ADAMTS14: variants seen among roughly 807,000 people sequenced by gnomAD.
The protein encoded by ADAMTS14 is A disintegrin and metalloproteinase with thrombospondin motifs 14.
ADAMTS14 carries 100 observed loss-of-function variants against 128.6 expected under a neutral mutation model. The observed-to-expected ratio is 0.78, with a 90% CI of 0.66 to 0.92. The LOEUF (loss-of-function observed/expected upper bound fraction) is 0.92, where lower values mean the gene tolerates loss of function less well. ADAMTS14 is among the 40% of genes least tolerant of loss of function. The probability of loss-of-function intolerance (pLI) is 0.00; values close to 1 mark genes in which losing one functional copy is unlikely to be tolerated. For missense variants in ADAMTS14, 1,562 were observed against 1,658.6 expected (o/e 0.94, Z 1.01); for synonymous variants, 665 against 653.8 (o/e 1.02, Z -0.26).
chr10:70,718,685 C>CTT (rs1554818749), intron 4 of ADAMTS14, among the ~76,000 whole-genome samples: 3 of 140,742 alleles, frequency 2.1e-5, no homozygotes, highest in Non-Finnish European at 3.1e-5. Flanking sequence ...GGTGCCCAGC[C>CTT]TTTTTTTTTT....
chr10:70,698,894 G>A (rs1370772916), intron 2 of ADAMTS14, among the ~76,000 whole-genome samples: 1 of 152,162 alleles, frequency 6.6e-6, no homozygotes, highest in Non-Finnish European at 1.5e-5. Flanking sequence ...AACAGTGAGG[G>A]TGTGATGAGG....
intron 2 of ADAMTS14, among the ~76,000 whole-genome samples, chr10:70,700,875 A>G (rs1430557890): frequency 1.3e-5 from 2 of 152,232 alleles, no homozygotes; most frequent in Admixed American, 6.5e-5. Context: ...GCATGGATGC[A>G]TGGATGCTCA....
intron 2 of ADAMTS14, among the ~76,000 whole-genome samples, chr10:70,684,974 A>G (rs557268740): frequency 1.2e-4 from 18 of 152,360 alleles, no homozygotes; most frequent in African/African-American, 4.3e-4. Context: ...TAACTTATTT[A>G]TGATATGGAA....
chr10:70,730,063 C>A, intron 5 of ADAMTS14, 39 bp from the exon 6 acceptor site: 1 of 1,551,278 alleles, frequency 6.4e-7, no homozygotes. Context: ...AGGGCTCTGA[C>A]CCTCCACGTG....
At chr10:70,708,316 G>C (rs1437762740) in intron 3 of ADAMTS14, among the ~76,000 whole-genome samples, 1 of 152,208 alleles carries the variant, frequency 6.6e-6, no homozygotes, top group East Asian at 1.9e-4. Context: ...ACAGAGATAG[G>C]ATGAGTGGCT....
intron 10 of ADAMTS14, among the ~76,000 whole-genome samples, chr10:70,738,488 GCTAGTGTGGGAAGATTGTGTCTT>G (rs1841893771): frequency 1.3e-5 from 2 of 152,308 alleles, no homozygotes; most frequent in South Asian, 4.2e-4. Context: ...ATCAACTCTA[GCTAGTGTGGGAAGATTGTGTCTT>G]CTCTCCCCTA....
chr10:70,698,720 A>C (rs1056398704), intron 2 of ADAMTS14, among the ~76,000 whole-genome samples: 1 of 152,186 alleles, frequency 6.6e-6, no homozygotes, highest in Non-Finnish European at 1.5e-5. Flanking sequence ...TTAGAAACTT[A>C]TTCCTCAGAT....
intron 2 of ADAMTS14, among the ~76,000 whole-genome samples, chr10:70,696,471 C>T (rs1241757495): frequency 6.6e-6 from 1 of 152,086 alleles, no homozygotes; most frequent in African/African-American, 2.4e-5. Context: ...GTGAGGTGAG[C>T]TGCTGATTTC....
intron 5 of ADAMTS14, 151 bp from the exon 6 acceptor site, chr10:70,729,951 G>C (rs1011169364): frequency 1.1e-6 from 1 of 873,804 alleles, no homozygotes; most frequent in Non-Finnish European, 1.7e-6. Context: ...TGTGCCAGCA[G>C]CAGTTGAGTG....
At position 70,674,931 on chromosome 10, in the gene ADAMTS14, T is replaced by G. The variant is rs1359790975; in HGVS notation, c.458T>G (p.Val153Gly). ...CGGCAGCCCTTACGGCAGGAGTGTGTGTACACTGGAGGTGTCACTGGAATG... is the reference window on the plus strand; with the variant it reads ...CGGCAGCCCTTACGGCAGGAGTGTGGGTACACTGGAGGTGTCACTGGAATG... ...LFRQPLRQECVYTGGVTGMPG... is the reference protein window; with the variant it reads ...LFRQPLRQECGYTGGVTGMPG... The change falls in exon 2 of 22, where the codon GTG becomes GGG. Residue 153 changes from valine (V) to glycine (G), a missense_variant. Val to Gly is a moderately radical substitution (Grantham distance 109). Transcript: ENST00000373207. The G allele has an allele frequency of 1.2e-6, 2 of 1,613,144 alleles. No homozygotes were observed. Among genetic ancestry groups the G allele is most frequent in the Non-Finnish European group, 8.5e-7 (1 of 1,180,030 alleles).
rs1392442923 is a variant in ADAMTS14 at position 70,741,180 on chromosome 10, C to A, written c.1924+18C>A. 1.9e-6 allele frequency: 3 copies of A among 1,609,632 alleles called. No homozygotes were observed. Among genetic ancestry groups the A allele is most frequent in the East Asian group, 2.2e-5 (1 of 44,778 alleles). On this transcript the variant is annotated intron_variant, in intron 12 of 21. Transcript: ENST00000373207. The stretch of plus-strand genomic sequence containing the variant: ...TGACGATGGTGAGTGGGCCCCACCC[C>A]CCTCCCACTCCATGTCCTTAGGCAT...
At chr10:70,693,413 C>G (rs1222138197) in intron 2 of ADAMTS14, among the ~76,000 whole-genome samples, 1 of 152,168 alleles carries the variant, frequency 6.6e-6, no homozygotes, top group African/African-American at 2.4e-5. Flanking sequence ...ACTGGGGCTT[C>G]CATGCATGCT....
chr10:70,715,113 G>A (rs1222827839), intron 4 of ADAMTS14, among the ~76,000 whole-genome samples: 1 of 152,198 alleles, frequency 6.6e-6, no homozygotes, highest in Non-Finnish European at 1.5e-5. Context: ...CTTAAGCAGG[G>A]TCAAGTGGTA....
At chr10:70,673,400 G>A (rs1176643314) in intron 1 of ADAMTS14, among the ~76,000 whole-genome samples, 4 of 152,104 alleles carry the variant, frequency 2.6e-5, no homozygotes, top group African/African-American at 7.2e-5. Flanking sequence ...TGCCCCCAAC[G>A]TAGCACTGTC....
In ADAMTS14 at chr10:70,729,274, A is replaced by T; in HGVS notation, c.871-20A>T. 6 of 1,602,186 alleles carry T rather than the reference A, an allele frequency of 3.7e-6. No individual in the cohort carries two copies. Among genetic ancestry groups the T allele is most frequent in the Non-Finnish European group, 5.1e-6 (6 of 1,169,574 alleles). On this transcript the variant is annotated intron_variant, in intron 4 of 21. Coordinates refer to ENST00000373207, the MANE Select transcript of ADAMTS14 (RefSeq NM_080722.4). ...TGTAATGAATGTTTCCTTCCCTTAA[A>T]CTGTATTTTCTTCTTGCAGGTAGAT...
chr10:70,709,905 G>C (rs2132617542), intron 4 of ADAMTS14, among the ~76,000 whole-genome samples: 1 of 152,298 alleles, frequency 6.6e-6, no homozygotes, highest in Non-Finnish European at 1.5e-5. Context: ...GGGCTAAAGG[G>C]GCAGAGACAA....
chr10:70,758,291 T>C lies in ADAMTS14; in HGVS notation c.3178+6T>C. 6.2e-7 allele frequency: 1 copy of C among 1,612,934 alleles called. No homozygotes were observed. Among genetic ancestry groups the C allele is most frequent in the East Asian group, 2.2e-5 (1 of 44,878 alleles). On this transcript the variant is annotated splice_donor_region_variant and intron_variant, in intron 21 of 21. Coordinates refer to ENST00000373207, the MANE Select transcript of ADAMTS14 (RefSeq NM_080722.4). Reference sequence around the variant, plus strand: ...CATTAACAAGATATCATCAAGTAAGTACAGTCTATGGACCCTACCCTGCTC... The same window carrying C: ...CATTAACAAGATATCATCAAGTAAGCACAGTCTATGGACCCTACCCTGCTC...
chr10:70,681,451 A>G (rs1392982625), intron 2 of ADAMTS14, among the ~76,000 whole-genome samples: 1 of 152,184 alleles, frequency 6.6e-6, no homozygotes, highest in Non-Finnish European at 1.5e-5. Flanking sequence ...GTAATTGGAA[A>G]ATGTCAACCT....
chr10:70,687,214 G>C (rs1375458567), intron 2 of ADAMTS14, among the ~76,000 whole-genome samples: 2 of 103,854 alleles, frequency 1.9e-5, no homozygotes, highest in African/African-American at 6.5e-5. Context: ...CCTCCCGGAC[G>C]GGGCGGCTGG....
Sources: gnomAD v4.1 joint callset for allele counts (sites outside exome capture counted in the v4.1 genomes callset) on GRCh38, gnomAD v4.1.1 for gene constraint, MANE v1.5 for transcripts, NCBI Gene and HGNC (gene_info 2026-07-23, HGNC 2026-07-21) for gene names.